CFAP43: variants seen among roughly 807,000 people sequenced by gnomAD.
CFAP43 encodes the protein cilia- and flagella-associated protein 43.
Under a neutral mutation model 218.9 loss-of-function variants are expected in CFAP43, and 155 were observed. The observed-to-expected ratio is 0.71, with a 90% CI of 0.62 to 0.81. The LOEUF (loss-of-function observed/expected upper bound fraction) is 0.81. Among genes scored for constraint, CFAP43 ranks in the 30% least tolerant of loss-of-function variants. The pLI is 0.00. For synonymous variants in CFAP43, 645 were observed against 681.3 expected (o/e 0.95, Z 0.83); for missense variants, 1,778 against 1,954.3 (o/e 0.91, Z 1.70).
chr10:104,207,233 C>T (rs1564798672), intron 6 of CFAP43, among the ~76,000 whole-genome samples: 2 of 151,894 alleles, frequency 1.3e-5, no homozygotes, highest in Non-Finnish European at 2.9e-5. Flanking sequence ...TTCAAGATGG[C>T]TTTTGGGCTT....
intron 3 of CFAP43, among the ~76,000 whole-genome samples, chr10:104,221,375 TGGTATTGG>T (rs1439561339): frequency 1.3e-5 from 2 of 152,258 alleles, no homozygotes; most frequent in African/African-American, 2.4e-5. Flanking sequence ...CCAATGGTGA[TGGTATTGG>T]GGTATTGGGA....
At chr10:104,199,743 A>C (rs1228680989) in intron 8 of CFAP43, among the ~76,000 whole-genome samples, 1 of 152,244 alleles carries the variant, frequency 6.6e-6, no homozygotes, top group Non-Finnish European at 1.5e-5. Context: ...CTGAACAGGC[A>C]GGCCTCCATG....
At chr10:104,169,430 T>C (rs994802921) in intron 20 of CFAP43, among the ~76,000 whole-genome samples, 6 of 152,232 alleles carry the variant, frequency 3.9e-5, no homozygotes, top group African/African-American at 1.4e-4. Flanking sequence ...TTGGGGATCA[T>C]ACAATCTGTG....
At chr10:104,139,704 A>C (rs1474366636) in intron 34 of CFAP43, among the ~76,000 whole-genome samples, 1 of 152,232 alleles carries the variant, frequency 6.6e-6, no homozygotes, top group Non-Finnish European at 1.5e-5. Flanking sequence ...ATTCATTACT[A>C]GCAGGCTTGT....
Position 104,186,095 on chromosome 10 carries a change from G to A in CFAP43, c.1889C>T (p.Pro630Leu). 6 of 1,544,956 alleles carry A rather than the reference G, an allele frequency of 3.9e-6. No homozygotes were observed. Among genetic ancestry groups the A allele is most frequent in the Non-Finnish European group, 3.5e-6 (4 of 1,151,626 alleles). ...EEHTGIYILK[P>L]YKKVQSRQYG... ...CTGTCTGCTTTGTACTTTTTTGTAT[G>A]GTTTAAGAATGTAGATACCGGTATG... The change falls in exon 15 of 38, where the codon CCA (proline) becomes CTA (leucine). Residue 630 changes from proline (P) to leucine (L), a missense_variant. By Grantham distance (98) the Pro-to-Leu change is moderately conservative (BLOSUM62 -3). Transcript: ENST00000357060.
At chr10:104,162,942 T>C (rs373719794) in intron 24 of CFAP43, among the ~76,000 whole-genome samples, 1 of 152,058 alleles carries the variant, frequency 6.6e-6, no homozygotes, top group East Asian at 1.9e-4. Flanking sequence ...CTCTCCTAAA[T>C]GTAGGATGGA....
intron 4 of CFAP43, among the ~76,000 whole-genome samples, chr10:104,213,172 A>T (rs2090914186): frequency 1.3e-5 from 2 of 152,228 alleles, no homozygotes; most frequent in Non-Finnish European, 2.9e-5. Context: ...AGAAGTTGAG[A>T]CATAAAGAGC....
In CFAP43 at chr10:104,166,503, T is replaced by G; in HGVS notation, c.3024A>C (p.Gln1008His). Residue 1008 changes from glutamine (Q) to histidine (H), a missense_variant, in exon 23 of 38, where the codon CAA becomes CAC. By Grantham distance (24) the Gln-to-His change is conservative (BLOSUM62 0). Around this residue, in one of 3 missense-constraint regions of CFAP43, gnomAD observed 1,553 missense variants for 1,685.2 expected, o/e 0.92. Coordinates refer to ENST00000357060, the MANE Select transcript of CFAP43 (RefSeq NM_025145.7). The part of the protein sequence containing the change: ...ELHSREEKIN[Q>H]IILLKDIIYK... ...ATTGACCCACTTTCAATAATATAATTTGGTTGATTTTCTCTTCTCTGGAAT... is the reference window on the plus strand; with the variant it reads ...ATTGACCCACTTTCAATAATATAATGTGGTTGATTTTCTCTTCTCTGGAAT... 1 of 1,612,884 alleles carries G rather than the reference T, an allele frequency of 6.2e-7. No individual in the cohort carries two copies. The highest frequency in any genetic ancestry group is 8.5e-7 in the Non-Finnish European group (1 of 1,179,586).
chr10:104,191,170 C>A (rs781219404), intron 12 of CFAP43, among the ~76,000 whole-genome samples: 2 of 152,182 alleles, frequency 1.3e-5, no homozygotes, highest in Admixed American at 6.5e-5. Context: ...GAGTCAGTCT[C>A]TAAAAACGAA....
At chr10:104,204,071 A>T (rs188095750) in intron 7 of CFAP43, among the ~76,000 whole-genome samples, 1 of 152,304 alleles carries the variant, frequency 6.6e-6, no homozygotes. Flanking sequence ...TTTCTCTAGT[A>T]TCCCTCTTCT....
intron 27 of CFAP43, among the ~76,000 whole-genome samples, chr10:104,159,287 G>A (rs1191816399): frequency 2.6e-5 from 4 of 152,006 alleles, no homozygotes; most frequent in African/African-American, 9.7e-5. Flanking sequence ...AAAGGAGTTG[G>A]GTTTTTTCCT....
intron 34 of CFAP43, among the ~76,000 whole-genome samples, chr10:104,137,348 A>G (rs1254223383): frequency 6.6e-6 from 1 of 152,230 alleles, no homozygotes; most frequent in East Asian, 1.9e-4. Flanking sequence ...TAAGTGAAAG[A>G]AGCCAGAAAA....
intron 16 of CFAP43, 36 bp from the exon 17 acceptor site, chr10:104,182,549 A>T: frequency 6.6e-7 from 1 of 1,526,202 alleles, no homozygotes; most frequent in Non-Finnish European, 8.7e-7. Context: ...GAGGCTATAA[A>T]AATCATAATT....
chr10:104,171,087 A>G (rs1397457561), intron 20 of CFAP43, among the ~76,000 whole-genome samples: 1 of 152,184 alleles, frequency 6.6e-6, no homozygotes, highest in Non-Finnish European at 1.5e-5. Flanking sequence ...TTCTTTGACC[A>G]CAGAAGTAGA....
At chr10:104,223,107 T>G (rs1490944778) in intron 3 of CFAP43, among the ~76,000 whole-genome samples, 1 of 152,228 alleles carries the variant, frequency 6.6e-6, no homozygotes, top group Non-Finnish European at 1.5e-5. Context: ...TGGGCCAGAT[T>G]TGGCCTATGG....
At position 104,203,725 on chromosome 10, in the gene CFAP43, C is replaced by G; in HGVS notation, c.1042G>C (p.Glu348Gln). ...EDFLEIERPV[E>Q]HMTFSPNYTV... The stretch of plus-strand genomic sequence containing the variant: ...TAATTGGGAGAAAATGTCATATGTT[C>G]TACAGGTCTTTCAATCTCAAGAAAA... The change falls in exon 8 of 38, where the codon GAA becomes CAA. Residue 348 changes from glutamate to glutamine, a missense_variant. By Grantham distance (29) the Glu-to-Gln change is conservative. Coordinates refer to ENST00000357060, the MANE Select transcript of CFAP43 (RefSeq NM_025145.7). The G allele has an allele frequency of 6.2e-7, 1 of 1,611,502 alleles. No individual in the cohort carries two copies. Among genetic ancestry groups the G allele is most frequent in the Non-Finnish European group, 8.5e-7 (1 of 1,178,932 alleles).
chr10:104,194,637 G>A (rs1019552851), intron 10 of CFAP43, among the ~76,000 whole-genome samples: 20 of 152,138 alleles, frequency 1.3e-4, no homozygotes, highest in East Asian at 1.9e-4. Context: ...AAAGAAATGC[G>A]TAACAGATTC....
At chr10:104,186,556 C>T (rs2090037305) in intron 14 of CFAP43, among the ~76,000 whole-genome samples, 1 of 152,178 alleles carries the variant, frequency 6.6e-6, no homozygotes, top group Non-Finnish European at 1.5e-5. Flanking sequence ...CCCCACCAGT[C>T]CTGCCCTACC....
intron 16 of CFAP43, 162 bp downstream of exon 16, chr10:104,184,854 G>A: frequency 1.3e-6 from 1 of 783,208 alleles, no homozygotes; most frequent in Middle Eastern, 6.5e-4. Flanking sequence ...TGGTACCCGA[G>A]AATGCAGTGT....
Sources: gnomAD v4.1 joint callset for allele counts (sites outside exome capture counted in the v4.1 genomes callset) on GRCh38, gnomAD v4.1.1 for gene constraint, gnomAD v4.1.1 regional missense constraint, MANE v1.5 for transcripts, NCBI Gene and HGNC (gene_info 2026-07-23, HGNC 2026-07-21) for gene names.